The following MDN1 variants were observed in gnomAD, a reference collection of about 807,000 sequenced individuals.
The protein encoded by MDN1 is midasin AAA ATPase 1, also known as midasin.
Under a neutral mutation model 669.2 loss-of-function variants are expected in MDN1, and 266 were observed. The ratio of observed to expected loss-of-function variants is 0.40; its 90% CI spans 0.36 to 0.44. MDN1 has a LOEUF of 0.44. Ranked by LOEUF, MDN1 falls within the 20% of genes least tolerant of loss-of-function variation. MDN1 has a pLI of 1.00. For synonymous variants in MDN1, 2,385 were observed against 2,457.1 expected (o/e 0.97, Z 0.87); for missense variants, 5,940 against 6,754.0 (o/e 0.88, Z 4.22).
chr6:89,659,104 C>T (rs1809536181), intron 88 of MDN1, among the ~76,000 whole-genome samples, 187 bp from the exon 89 acceptor site: 2 of 152,244 alleles, frequency 1.3e-5, no homozygotes, highest in Admixed American at 1.3e-4. Flanking sequence ...TGGCTGGGCA[C>T]TGTGGCACAT....
Position 89,780,255 on chromosome 6 carries a change from A to G in MDN1, c.1682T>C (p.Phe561Ser). The change falls in exon 11 of 102, where the codon TTT (phenylalanine) becomes TCT (serine). Residue 561 changes from phenylalanine to serine, a missense_variant. By Grantham distance (155) the Phe-to-Ser change is radical. Around this residue, in one of 5 missense-constraint regions of MDN1, gnomAD observed 1,203 missense variants for 1,268.9 expected, o/e 0.95. Transcript: ENST00000369393. Reference protein sequence around the residue: ...LNWCNRIAHSFDSSSLSASLN... With the variant: ...LNWCNRIAHSSDSSSLSASLN... ...TGATGCTGATAAAGATGAACTGTCA[A>G]AGCTATGGGCAATCCTATTACACCA... The G allele has an allele frequency of 6.3e-7, 1 of 1,590,954 alleles. No homozygotes were observed. The highest frequency in any genetic ancestry group is 8.5e-7 in the Non-Finnish European group (1 of 1,171,124).
intron 40 of MDN1, among the ~76,000 whole-genome samples, chr6:89,720,894 G>A (rs1306744587): frequency 6.6e-6 from 1 of 152,144 alleles, no homozygotes; most frequent in Non-Finnish European, 1.5e-5. Context: ...CAGCACTTTG[G>A]GAGACTGAGG....
chr6:89,707,611 G>C (rs1297897948), intron 51 of MDN1, 135 bp from the exon 52 acceptor site: 1 of 648,382 alleles, frequency 1.5e-6, no homozygotes, highest in African/African-American at 1.8e-5. Context: ...TGCAAATCTT[G>C]GACTAAAGAG....
At chr6:89,756,883 T>C (rs1817279286) in intron 19 of MDN1, among the ~76,000 whole-genome samples, 1 of 149,750 alleles carries the variant, frequency 6.7e-6, no homozygotes. Context: ...GTTGCGCCAC[T>C]GCACTCCAGC....
intron 33 of MDN1, among the ~76,000 whole-genome samples, chr6:89,735,248 T>C (rs1413579514): frequency 4.6e-5 from 7 of 152,088 alleles, no homozygotes; most frequent in Non-Finnish European, 1.0e-4. Context: ...TACCAATACT[T>C]GGTACATTAA....
In MDN1 at chr6:89,686,012, G is replaced by A. The variant is rs201299550; in HGVS notation, c.11573-39C>T. On this transcript the variant is annotated intron_variant, in intron 69 of 101. Transcript: ENST00000369393. Reference sequence around the variant, plus strand: ...AAGAGAAAAATATATATGTTCCTTCGACCATGACTCCCTATTCCTAACATG... The same window carrying A: ...AAGAGAAAAATATATATGTTCCTTCAACCATGACTCCCTATTCCTAACATG... The A allele has an allele frequency of 4.6e-4, 732 of 1,592,234 alleles. 2 individuals carry two copies. The highest frequency in any genetic ancestry group is 4.4e-4 in the Non-Finnish European group (518 of 1,168,422).
Position 89,740,261 on chromosome 6 carries a change from G to A in MDN1, c.4566C>T (p.Asn1522=), listed in dbSNP as rs1816212212. ...GKKFRILATM[N]PGGDFGKKEL... ...CCTTTTTTCCAAAGTCACCCCCAGG[G>A]TTCATGGTTGCTAGAATACGAAATT... Residue 1522 remains asparagine, a synonymous_variant, in exon 32 of 102, where the codon AAC becomes AAT. Transcript: ENST00000369393. 1 of 1,611,790 alleles carries A rather than the reference G, an allele frequency of 6.2e-7. No individual in the cohort carries two copies. The highest frequency in any genetic ancestry group is 8.5e-7 in the Non-Finnish European group (1 of 1,179,320).
intron 7 of MDN1, among the ~76,000 whole-genome samples, chr6:89,788,750 G>T (rs914034925): frequency 3.9e-5 from 6 of 152,164 alleles, no homozygotes; most frequent in African/African-American, 1.4e-4. Flanking sequence ...GGCCAAAAAG[G>T]ACACTATTCA....
chr6:89,803,826 C>A (rs1767826513), intron 1 of MDN1, among the ~76,000 whole-genome samples: 1 of 151,648 alleles, frequency 6.6e-6, no homozygotes, highest in African/African-American at 2.4e-5. Flanking sequence ...CGTGATCCGC[C>A]CGCCTCAGCC....
At position 89,715,730 on chromosome 6, in the gene MDN1, G is replaced by A. The variant is rs748653784; in HGVS notation, c.6783C>T (p.Pro2261=). ...VLDRLNALLE[P]GGVLTISERG... ...TCTCACTAATAGTGAGGACACCTCC[G>A]GGTTCAAGCAAAGCATTCAAACGAT... is the stretch of plus-strand genomic sequence containing the variant. The change falls in exon 45 of 102, where the codon CCC becomes CCT. Residue 2261 remains proline, a synonymous_variant. Coordinates refer to ENST00000369393, the MANE Select transcript of MDN1 (RefSeq NM_014611.3). 1.4e-5 allele frequency: 22 copies of A among 1,613,616 alleles called. No individual in the cohort carries two copies. The highest frequency in any genetic ancestry group is 8.8e-5 in the South Asian group (8 of 91,076).
rs59993691 is a variant in MDN1, at chr6:89,755,296, C to T, written c.2816+981G>A. On this transcript the variant is annotated intron_variant, in intron 20 of 101. Coordinates refer to ENST00000369393, the MANE Select transcript of MDN1 (RefSeq NM_014611.3). ...CTGTAGCTCAACCCTGTAATTCCAG[C>T]ACTTTGGGAGGCTAAGGCTGGCGTA... Among the ~76,000 whole-genome samples the T allele has an allele frequency of 8.1e-3, 1,216 of 150,810 alleles. 18 individuals carry two copies. The highest frequency in any genetic ancestry group is 0.028 in the African/African-American group (1,156 of 40,972).
chr6:89,658,893 T>C lies in MDN1; in HGVS notation c.14738A>G (p.Glu4913Gly). 1 of 1,612,374 alleles carries C rather than the reference T, an allele frequency of 6.2e-7. No homozygotes were observed. The highest frequency in any genetic ancestry group is 1.7e-5 in the Admixed American group (1 of 59,482). The change falls in exon 89 of 102, where the codon GAA (glutamate) becomes GGA (glycine). Residue 4913 changes from glutamate (E) to glycine (G), a missense_variant. Glu to Gly is a moderately conservative substitution (Grantham distance 98). Around this residue, in one of 5 missense-constraint regions of MDN1, gnomAD observed 2,280 missense variants for 2,576.3 expected, o/e 0.88. Transcript: ENST00000369393. ...GEEENPLEIKEKPEEAGHEAE... is the reference protein window; with the variant it reads ...GEEENPLEIKGKPEEAGHEAE... The stretch of plus-strand genomic sequence containing the variant: ...TTCATGACCTGCTTCTTCTGGTTTT[T>C]CTTTTATCTCCAAAGGATTCTCTTC...
At chr6:89,700,605 T>C (rs2128309708) in intron 56 of MDN1, 41 bp downstream of exon 56, 1 of 1,588,602 alleles carries the variant, frequency 6.3e-7, no homozygotes, top group African/African-American at 1.3e-5. Flanking sequence ...GAGGATATTT[T>C]CAGAGCATCT....
chr6:89,645,084 T>A lies in MDN1; in HGVS notation c.16533A>T (p.Ala5511=). Residue 5511 remains alanine, a synonymous_variant, in exon 101 of 102, where the codon GCA becomes GCT. Coordinates refer to ENST00000369393, the MANE Select transcript of MDN1 (RefSeq NM_014611.3). The stretch of plus-strand genomic sequence containing the variant: ...TTGCATTCCGGGCAGCCTGAACTGC[T>A]GCCAGGACTCTTTCTTTGCCCTCAA... ...LFLEGKERVL[A]AVQAARNANI... 6.2e-7 allele frequency: 1 copy of A among 1,612,504 alleles called. No individual in the cohort carries two copies. The highest frequency in any genetic ancestry group is 1.1e-5 in the South Asian group (1 of 90,984).
intron 40 of MDN1, among the ~76,000 whole-genome samples, chr6:89,722,025 T>C (rs1419754061): frequency 6.6e-6 from 1 of 152,200 alleles, no homozygotes; most frequent in Non-Finnish European, 1.5e-5. Flanking sequence ...CTGGCTCTGC[T>C]ACCTGTGACA....
rs551657614 is a variant in MDN1 at position 89,758,189 on chromosome 6, C to T, written c.2702+66G>A. Reference sequence around the variant, plus strand: ...TGAGCCAAGATCACGCCACTGCACTCCAACCTGGGCAACAGAGCAAGAACC... The same window carrying T: ...TGAGCCAAGATCACGCCACTGCACTTCAACCTGGGCAACAGAGCAAGAACC... On this transcript the variant is annotated intron_variant, in intron 19 of 101. Coordinates refer to ENST00000369393, the MANE Select transcript of MDN1 (RefSeq NM_014611.3). 6 of 1,359,120 alleles carry T rather than the reference C, an allele frequency of 4.4e-6. No homozygotes were observed. The East Asian group carries it at 1.2e-4, about 27-fold the overall frequency. The allele number at this position is 1,359,120 out of a possible 1,614,324, so 84.2% of individuals were successfully genotyped here. A position where few individuals can be genotyped will look rare whatever the true frequency, so the allele number is the denominator to read the frequency against.
intron 15 of MDN1, among the ~76,000 whole-genome samples, chr6:89,771,185 A>C (rs1236419968): frequency 2.0e-5 from 3 of 152,182 alleles, no homozygotes; most frequent in Non-Finnish European, 4.4e-5. Context: ...AGACCAGAAG[A>C]ATGACTGATC....
intron 73 of MDN1, among the ~76,000 whole-genome samples, chr6:89,681,023 A>G (rs561850868): frequency 6.6e-6 from 1 of 152,300 alleles, no homozygotes; most frequent in African/African-American, 2.4e-5. Flanking sequence ...CCAGTTCTGA[A>G]TTATGAACAG....
chr6:89,701,787 C>T (rs535330451), intron 54 of MDN1, 109 bp from the exon 55 acceptor site: 3 of 1,518,176 alleles, frequency 2.0e-6, no homozygotes, highest in South Asian at 1.3e-5. Flanking sequence ...TGTACATTCA[C>T]CAATATGCCA....
Sources: allele counts gnomAD v4.1 joint callset (sites outside exome capture counted in the v4.1 genomes callset), GRCh38; gene constraint gnomAD v4.1.1; regional missense constraint gnomAD v4.1.1; transcripts MANE v1.5; gene names NCBI Gene and HGNC (gene_info 2026-07-23, HGNC 2026-07-21).